The following ZGPAT variants were observed in gnomAD, a reference collection of about 807,000 sequenced individuals.
The protein encoded by ZGPAT is zinc finger CCCH-type and G-patch domain containing.
ZGPAT carries 39 observed loss-of-function variants against 47.9 expected under a neutral mutation model. The ratio of observed to expected loss-of-function variants is 0.81; its 90% confidence interval spans 0.63 to 1.06. The LOEUF (loss-of-function observed/expected upper bound fraction) is 1.06. Among genes scored for constraint, ZGPAT ranks in the 50% least tolerant of loss-of-function variants. The pLI, the probability that ZGPAT is intolerant of heterozygous loss-of-function variation, is 0.00. For synonymous variants in ZGPAT, 348 were observed against 292.9 expected (o/e 1.19, Z -1.92); for missense variants, 717 against 681.4 (o/e 1.05, Z -0.58).
chr20:63,711,531 C>T (rs769327097), intron 2 of ZGPAT, among the ~76,000 whole-genome samples: 2 of 152,116 alleles, frequency 1.3e-5, no homozygotes, highest in East Asian at 1.9e-4. Flanking sequence ...TGAAAGCTTC[C>T]GGAGCATCTT....
At chr20:63,721,136 G>T (rs2091782944) in intron 2 of ZGPAT, among the ~76,000 whole-genome samples, 1 of 152,108 alleles carries the variant, frequency 6.6e-6, no homozygotes, top group African/African-American at 2.4e-5. Context: ...TGGATCACTT[G>T]AGGTCAGGAG....
intron 2 of ZGPAT, among the ~76,000 whole-genome samples, chr20:63,710,983 C>T (rs918412538): frequency 5.3e-5 from 8 of 151,644 alleles, no homozygotes; most frequent in African/African-American, 1.9e-4. Flanking sequence ...TCAGGCTGAC[C>T]GTGTAACCAT....
At chr20:63,717,839 T>G (rs1288917177) in intron 2 of ZGPAT, among the ~76,000 whole-genome samples, 1 of 152,152 alleles carries the variant, frequency 6.6e-6, no homozygotes, top group Non-Finnish European at 1.5e-5. Flanking sequence ...GGTCAGGAGT[T>G]CGAGACCAGC....
chr20:63,734,779 A>G lies in ZGPAT; in HGVS notation c.946A>G (p.Ile316Val), dbSNP rs1355108635. Residue 316 changes from isoleucine to valine, a missense_variant, in exon 5 of 7, where the codon ATA becomes GTA. Ile to Val is a conservative substitution (Grantham distance 29, BLOSUM62 3). Transcript: ENST00000355969. ...TGGCTGGGAGGTGCACACGCGAGGT[A>G]TAGGCTCCAGACTCCTCACCAAGAT... is the stretch of plus-strand genomic sequence containing the variant. ...FAGWEVHTRG[I>V]GSRLLTKMGY... The G allele has an allele frequency of 6.2e-7, 1 of 1,612,288 alleles. No individual in the cohort carries two copies. Among genetic ancestry groups the G allele is most frequent in the Non-Finnish European group, 8.5e-7 (1 of 1,179,174 alleles).
rs1196200385 is a variant in ZGPAT at position 63,724,673 on chromosome 20, A to T, written c.585-8546A>T. On this transcript the variant is annotated intron_variant, in intron 2 of 6. Coordinates refer to ENST00000355969, the MANE Select transcript of ZGPAT (RefSeq NM_181485.3). ...TTTAGTCTGAAGAACTTCATTTAGA[A>T]TTTTTTTTTTTTTTTTTTGAGACAA... Among the ~76,000 whole-genome samples the T allele has an allele frequency of 8.7e-5, 12 of 137,442 alleles. No homozygotes were observed. In the South Asian group the frequency reaches 1.8e-3, roughly 21 times the overall value. 90.2% of individuals were successfully genotyped at this position (137,442 alleles called of 152,430 possible).
chr20:63,733,067 TGTGC>T, intron 2 of ZGPAT, 148 bp from the exon 3 acceptor site: 8 of 950,884 alleles, frequency 8.4e-6, no homozygotes, highest in African/African-American at 1.6e-5. Context: ...TGTGTATGTG[TGTGC>T]GTGAGTGTGT....
chr20:63,733,136 C>T (rs2091940054), intron 2 of ZGPAT, 83 bp from the exon 3 acceptor site: 2 of 1,555,884 alleles, frequency 1.3e-6, no homozygotes, highest in Non-Finnish European at 8.7e-7. Flanking sequence ...GGACAGTGCC[C>T]AGGCGGATGG....
At chr20:63,715,835 G>T (rs1741706) in intron 2 of ZGPAT, among the ~76,000 whole-genome samples, 105,890 of 136,890 alleles carry the variant, frequency 0.77, 37,702 homozygotes, top group African/African-American at 0.8. Context: ...ATCATATATA[G>T]AGAGAGAGAG....
At chr20:63,732,487 ATGTG>A (rs1353738388) in intron 2 of ZGPAT, among the ~76,000 whole-genome samples, 1 of 133,118 alleles carries the variant, frequency 7.5e-6, no homozygotes, top group Non-Finnish European at 1.6e-5. Flanking sequence ...GTGAGGGCGT[ATGTG>A]TGTGGGTGAG....
intron 2 of ZGPAT, among the ~76,000 whole-genome samples, chr20:63,732,824 G>C (rs768473781): frequency 1.3e-5 from 2 of 151,944 alleles, no homozygotes; most frequent in African/African-American, 2.4e-5. Flanking sequence ...ATGTGTACTT[G>C]TGTGTGCCTG....
At position 63,708,657 on chromosome 20, in the gene ZGPAT, C is replaced by T; in HGVS notation, c.77C>T (p.Ala26Val). ...QLQQVELALG[A>V]GLDSSEQADL... is the part of the protein sequence containing the mutation. ...CAGCAGGTGGAGCTGGCCTTGGGCG[C>T]CGGCCTGGATTCGTCTGAGCAGGCT... The change falls in exon 2 of 7, where the codon GCC becomes GTC. Residue 26 changes from alanine to valine, a missense_variant. Coordinates refer to ENST00000355969, the MANE Select transcript of ZGPAT (RefSeq NM_181485.3). 6.2e-7 allele frequency: 1 copy of T among 1,612,570 alleles called. No individual in the cohort carries two copies.
intron 2 of ZGPAT, among the ~76,000 whole-genome samples, chr20:63,725,945 C>T (rs996175452): frequency 1.3e-5 from 2 of 150,816 alleles, no homozygotes; most frequent in African/African-American, 4.9e-5. Flanking sequence ...AAGCAATTCT[C>T]CTGCCTCAGC....
chr20:63,708,679 G>C lies in ZGPAT; in HGVS notation c.99G>C (p.Gln33His). ...GCGCCGGCCTGGATTCGTCTGAGCA[G>C]GCTGACCTGCGCCAGCTGCAGGGGG... ...ALGAGLDSSE[Q>H]ADLRQLQGDL... Residue 33 changes from glutamine to histidine, a missense_variant, in exon 2 of 7, where the codon CAG becomes CAC. By Grantham distance (24) the Gln-to-His change is conservative (BLOSUM62 0). Transcript: ENST00000355969. 6.2e-7 allele frequency: 1 copy of C among 1,612,796 alleles called. No homozygotes were observed. Among genetic ancestry groups the C allele is most frequent in the African/African-American group, 1.3e-5 (1 of 75,058 alleles).
At position 63,735,855 on chromosome 20, in the gene ZGPAT, A is replaced by C; in HGVS notation, c.1472A>C (p.Gln491Pro). The stretch of plus-strand genomic sequence containing the variant: ...CGCCAGCTGGGGCAGCTCCGGGCTC[A>C]GGAAGCCGGCCTGCAGCAGGAGCAG... The part of the protein sequence containing the change: ...AQRQLGQLRA[Q>P]EAGLQQEQRK... Residue 491 changes from glutamine to proline, a missense_variant, in exon 7 of 7, where the codon CAG (glutamine) becomes CCG (proline). Coordinates refer to ENST00000355969, the MANE Select transcript of ZGPAT (RefSeq NM_181485.3). The C allele has an allele frequency of 6.2e-7, 1 of 1,612,812 alleles. No homozygotes were observed. The highest frequency in any genetic ancestry group is 2.2e-5 in the East Asian group (1 of 44,866).
chr20:63,712,196 G>A (rs998670309), intron 2 of ZGPAT, among the ~76,000 whole-genome samples: 2 of 152,144 alleles, frequency 1.3e-5, no homozygotes, highest in African/African-American at 2.4e-5. Context: ...TATTAGGTGA[G>A]GGTCCACTTT....
At chr20:63,719,065 CAAA>C (rs149022199) in intron 2 of ZGPAT, among the ~76,000 whole-genome samples, 1 of 146,510 alleles carries the variant, frequency 6.8e-6, no homozygotes. Context: ...GACTCCATCT[CAAA>C]AAAAAAAAAA....
chr20:63,712,304 A>G (rs1351730389), intron 2 of ZGPAT, among the ~76,000 whole-genome samples: 2 of 152,174 alleles, frequency 1.3e-5, no homozygotes, highest in African/African-American at 2.4e-5. Flanking sequence ...TCCAAAATCA[A>G]TTGGCAATAT....
rs757324888 is a variant in ZGPAT at position 63,708,685 on chromosome 20, C to T, written c.105C>T (p.Asp35=). Residue 35 remains aspartate (D), a synonymous_variant, in exon 2 of 7, where the codon GAC becomes GAT. Coordinates refer to ENST00000355969, the MANE Select transcript of ZGPAT (RefSeq NM_181485.3). ...GCCTGGATTCGTCTGAGCAGGCTGA[C>T]CTGCGCCAGCTGCAGGGGGACCTGA... The part of the protein sequence containing the change: ...GAGLDSSEQA[D]LRQLQGDLKE... 1.2e-5 allele frequency: 19 copies of T among 1,612,686 alleles called. 1 individual carries two copies. Among genetic ancestry groups the T allele is most frequent in the South Asian group, 9.9e-5 (9 of 91,092 alleles).
chr20:63,721,622 T>C lies in ZGPAT; in HGVS notation c.585-11597T>C, dbSNP rs555245290. Among the ~76,000 whole-genome samples, 10 of 152,282 alleles carry C rather than the reference T, an allele frequency of 6.6e-5. No homozygotes were observed. In the East Asian group the frequency reaches 1.2e-3, roughly 18 times the overall value. ...GCTTTCCAAAGCCCTTAGACCTTCA[T>C]GTAGCTCTTTTCCCAGCCTCTTCCT... On this transcript the variant is annotated intron_variant, in intron 2 of 6. Transcript: ENST00000355969.
Sources: allele counts gnomAD v4.1 joint callset (sites outside exome capture counted in the v4.1 genomes callset), GRCh38; gene constraint gnomAD v4.1.1; transcripts MANE v1.5; gene names NCBI Gene and HGNC (gene_info 2026-07-23, HGNC 2026-07-21).